The following KLF12 variants were observed in gnomAD, a reference collection of about 807,000 sequenced individuals.
KLF12 encodes the protein KLF transcription factor 12.
A neutral mutation model predicts 37.8 loss-of-function variants in KLF12; 9 were observed. The observed-to-expected ratio is 0.24, with a 90% CI of 0.14 to 0.42. The LOEUF is 0.42. Ranked by LOEUF, KLF12 falls within the 10% of genes least tolerant of loss-of-function variation. The pLI is 1.00. For missense variants in KLF12, 411 were observed against 516.0 expected (o/e 0.80, Z 1.97); for synonymous variants, 208 against 202.1 (o/e 1.03, Z -0.25).
chr13:74,041,691 T>TACACAC (rs59315484), intron 1 of KLF12, among the ~76,000 whole-genome samples: 1,726 of 142,350 alleles, frequency 0.012, 18 homozygotes, highest in East Asian at 0.049. Context: ...ATCGCTGATT[T>TACACAC]ACACACACAC....
At chr13:73,823,469 C>T (rs1883653794) in intron 4 of KLF12, among the ~76,000 whole-genome samples, 3 of 152,156 alleles carry the variant, frequency 2.0e-5, no homozygotes, top group Admixed American at 6.5e-5. Context: ...ATCAGTGTTG[C>T]TGTCTTCCTC....
At chr13:73,722,879 T>C (rs1594008388) in intron 6 of KLF12, among the ~76,000 whole-genome samples, 1 of 152,168 alleles carries the variant, frequency 6.6e-6, no homozygotes, top group East Asian at 1.9e-4. Context: ...AAGATAATGG[T>C]TTACAAATGA....
the KLF12 span, among the ~76,000 whole-genome samples, chr13:74,205,791 T>C: frequency 6.6e-6 from 1 of 152,086 alleles, no homozygotes; most frequent in Non-Finnish European, 1.5e-5. Flanking sequence ...GAGTTTGAAA[T>C]CTACAACAAA....
intron 2 of KLF12, among the ~76,000 whole-genome samples, chr13:73,964,786 G>A (rs886248241): frequency 6.6e-6 from 1 of 152,026 alleles, no homozygotes. Context: ...GTTCGAGACT[G>A]GCGTGGGTAA....
At chr13:74,169,484 A>G in the KLF12 span, among the ~76,000 whole-genome samples, 1 of 152,218 alleles carries the variant, frequency 6.6e-6, no homozygotes, top group South Asian at 2.1e-4. Flanking sequence ...AGAGAATAAT[A>G]ACTAATACAG....
At chr13:74,213,006 A>G in the KLF12 span, among the ~76,000 whole-genome samples, 181 of 152,280 alleles carry the variant, frequency 1.2e-3, 2 homozygotes, top group Middle Eastern at 0.017. Context: ...AGTATAATAT[A>G]TAATAATCGT....
the KLF12 span, among the ~76,000 whole-genome samples, chr13:74,281,629 G>C: frequency 1.6e-4 from 24 of 152,270 alleles, no homozygotes; most frequent in Non-Finnish European, 1.0e-4. Context: ...TTCTGTCAAG[G>C]TAATGGAATA....
At chr13:73,845,168 G>A (rs1884947879) in intron 4 of KLF12, 1 of 152,140 alleles carries the variant, frequency 6.6e-6, no homozygotes, top group Non-Finnish European at 1.5e-5. Flanking sequence ...CCCTAAAAGG[G>A]AATATTAATA....
At chr13:73,867,057 T>A (rs1198867496) in intron 3 of KLF12, among the ~76,000 whole-genome samples, 6 of 151,374 alleles carry the variant, frequency 4.0e-5, no homozygotes, top group Non-Finnish European at 7.4e-5. Flanking sequence ...GAAAGGAAAT[T>A]TTAAAATATC....
intron 6 of KLF12, among the ~76,000 whole-genome samples, chr13:73,719,161 G>T (rs1566317114): frequency 6.6e-6 from 1 of 152,158 alleles, no homozygotes; most frequent in African/African-American, 2.4e-5. Flanking sequence ...AGGTAGGAAG[G>T]TAAGTGAAGC....
chr13:73,905,644 G>A (rs866626870), intron 3 of KLF12, among the ~76,000 whole-genome samples: 1 of 151,726 alleles, frequency 6.6e-6, no homozygotes, highest in African/African-American at 2.4e-5. Context: ...TTATATCATT[G>A]CAGTACACAC....
chr13:74,272,257 A>G, the KLF12 span, among the ~76,000 whole-genome samples: 1 of 152,174 alleles, frequency 6.6e-6, no homozygotes, highest in African/African-American at 2.4e-5. Flanking sequence ...GTAAGTATTT[A>G]TATGTATAAA....
intron 1 of KLF12, among the ~76,000 whole-genome samples, chr13:73,996,057 T>C (rs962371524): frequency 2.0e-5 from 3 of 152,208 alleles, no homozygotes; most frequent in African/African-American, 7.2e-5. Flanking sequence ...CACTCACTCA[T>C]AAAGGCCTTA....
intron 3 of KLF12, among the ~76,000 whole-genome samples, chr13:73,861,814 T>G (rs1885940430): frequency 6.6e-6 from 1 of 152,168 alleles, no homozygotes; most frequent in Non-Finnish European, 1.5e-5. Flanking sequence ...GCTTAGGTAC[T>G]GGTATGAATG....
At chr13:73,906,836 T>C (rs1397607038) in intron 3 of KLF12, among the ~76,000 whole-genome samples, 1 of 152,236 alleles carries the variant, frequency 6.6e-6, no homozygotes, top group Non-Finnish European at 1.5e-5. Context: ...AGGGTGCTAC[T>C]GACTTGAAAA....
chr13:73,705,500 T>C (rs1237635653), intron 7 of KLF12, among the ~76,000 whole-genome samples: 2 of 152,206 alleles, frequency 1.3e-5, no homozygotes, highest in Admixed American at 1.3e-4. Flanking sequence ...CTAGAAGTCC[T>C]GACCTCAGAT....
At chr13:73,815,240 C>G (rs1020711075) in intron 4 of KLF12, among the ~76,000 whole-genome samples, 1 of 152,164 alleles carries the variant, frequency 6.6e-6, no homozygotes, top group Admixed American at 6.5e-5. Flanking sequence ...GGCAAAGCAA[C>G]CAGTTCCATC....
intron 6 of KLF12, among the ~76,000 whole-genome samples, chr13:73,730,453 C>T (rs1017368108): frequency 1.3e-5 from 2 of 152,152 alleles, no homozygotes; most frequent in African/African-American, 4.8e-5. Context: ...TCAGAGGGCA[C>T]GTTTTCCACA....
intron 6 of KLF12, among the ~76,000 whole-genome samples, chr13:73,752,659 G>A (rs1417226609): frequency 6.6e-6 from 1 of 151,728 alleles, no homozygotes; most frequent in African/African-American, 2.4e-5. Flanking sequence ...TCTAGTCGTG[G>A]CTAGCATGTC....
Sources: gnomAD v4.1 joint callset for allele counts (sites outside exome capture counted in the v4.1 genomes callset) on GRCh38, gnomAD v4.1.1 for gene constraint, MANE v1.5 for transcripts, NCBI Gene and HGNC (gene_info 2026-07-23, HGNC 2026-07-21) for gene names.